Variants in GPATCH2L observed in about 807,000 individuals in gnomAD.
GPATCH2L encodes the protein G patch domain-containing protein 2-like.
Under a neutral mutation model 57.4 loss-of-function variants are expected in GPATCH2L, and 31 were observed. The ratio of observed to expected loss-of-function variants is 0.54; its 90% CI spans 0.41 to 0.73. The LOEUF (loss-of-function observed/expected upper bound fraction) is 0.73, where lower values mean the gene tolerates loss of function less well. Ranked by LOEUF, GPATCH2L falls within the 30% of genes least tolerant of loss-of-function variation. GPATCH2L has a pLI of 0.00. For missense variants in GPATCH2L, 481 were observed against 599.9 expected (o/e 0.80, Z 2.07); for synonymous variants, 199 against 210.7 (o/e 0.94, Z 0.48).
At chr14:76,163,215 A>G (rs1288488335) in intron 2 of GPATCH2L, among the ~76,000 whole-genome samples, 3 of 152,066 alleles carry the variant, frequency 2.0e-5, no homozygotes, top group Non-Finnish European at 4.4e-5. Flanking sequence ...GCCCCTTTCC[A>G]TTTGTAACAT....
At position 76,210,476 on chromosome 14, in the gene GPATCH2L, G is replaced by A. The variant is rs1343893550; in HGVS notation, c.*8625G>A. On this transcript the variant is annotated 3_prime_UTR_variant, in exon 10 of 10. Transcript: ENST00000261530. ...TCTGATGAGACCTCTTTATTGACTT[G>A]TTTGTCCTGGTGGGCTGTTTCTCTA... 2 of 152,308 alleles carry A rather than the reference G, an allele frequency of 1.3e-5. No individual in the cohort carries two copies. Among genetic ancestry groups the A allele is most frequent in the Non-Finnish European group, 1.5e-5 (1 of 68,046 alleles). 9.4% of individuals were successfully genotyped at this position (152,308 alleles called of 1,614,324 possible). A position where few individuals can be genotyped will look rare whatever the true frequency, so the allele number is the denominator to read the frequency against.
chr14:76,161,927 T>C (rs1275383391), intron 2 of GPATCH2L, among the ~76,000 whole-genome samples: 3 of 152,074 alleles, frequency 2.0e-5, no homozygotes, highest in Admixed American at 1.3e-4. Flanking sequence ...TCCTAGCTAC[T>C]TGGGAGGCTG....
intron 2 of GPATCH2L, among the ~76,000 whole-genome samples, chr14:76,155,815 A>T (rs2038280210): frequency 1.3e-5 from 2 of 152,136 alleles, no homozygotes; most frequent in South Asian, 2.1e-4. Flanking sequence ...GGTGTTTTGG[A>T]TGGGACAATT....
chr14:76,234,600 G>C (rs888902111), intron 2 of GPATCH2L: 6 of 152,270 alleles, frequency 3.9e-5, no homozygotes, highest in African/African-American at 1.2e-4. Flanking sequence ...TCTAAGAGCT[G>C]AGGGTAGACT....
chr14:76,201,770 C>T lies in GPATCH2L; in HGVS notation c.1368C>T (p.Thr456=). 6.2e-7 allele frequency: 1 copy of T among 1,613,922 alleles called. No individual in the cohort carries two copies. The part of the protein sequence containing the change: ...KSPSSEWLVR[T]SAAEKATDAT... ...CCAGCTCTGAGTGGTTGGTGAGGAC[C>T]TCTGCAGCAGAGAAAGCCACAGACG... Residue 456 remains threonine, a synonymous_variant, in exon 10 of 10, where the codon ACC becomes ACT. Coordinates refer to ENST00000261530, the MANE Select transcript of GPATCH2L (RefSeq NM_017926.4).
intron 1 of GPATCH2L, among the ~76,000 whole-genome samples, chr14:76,221,559 A>G (rs2139863834): frequency 6.6e-6 from 1 of 152,336 alleles, no homozygotes; most frequent in Middle Eastern, 3.4e-3. Flanking sequence ...TGTTTATAGC[A>G]GATTTATTTG....
rs1203519928 is a variant in GPATCH2L at position 76,212,994 on chromosome 14, C to T, written c.*11143C>T. 6.6e-6 allele frequency: 1 copy of T among 151,780 alleles called. No individual in the cohort carries two copies. Among genetic ancestry groups the T allele is most frequent in the East Asian group, 1.9e-4 (1 of 5,186 alleles). The allele number at this position is 151,780 out of a possible 1,614,324, so 9.4% of individuals were successfully genotyped here. A position where few individuals can be genotyped will look rare whatever the true frequency, so the allele number is the denominator to read the frequency against. On this transcript the variant is annotated 3_prime_UTR_variant, in exon 10 of 10. Transcript: ENST00000261530. The stretch of plus-strand genomic sequence containing the variant: ...TTGTTCCTCTGAGATACAAATAAAA[C>T]AGTGCTCAGAGGAAAATTCATTGCC...
At chr14:76,152,625 AC>A in intron 1 of GPATCH2L, 1 of 455,670 alleles carries the variant, frequency 2.2e-6, no homozygotes, top group South Asian at 1.5e-5. Flanking sequence ...TGCATCCGCG[AC>A]TGGAGATGGG....
chr14:76,166,134 A>G (rs2038826769), intron 2 of GPATCH2L, among the ~76,000 whole-genome samples: 1 of 152,210 alleles, frequency 6.6e-6, no homozygotes, highest in Non-Finnish European at 1.5e-5. Flanking sequence ...TTTTTTCAGA[A>G]TGAGTTTTGT....
intron 2 of GPATCH2L, among the ~76,000 whole-genome samples, chr14:76,233,778 C>A (rs1248444801): frequency 1.3e-5 from 2 of 152,164 alleles, no homozygotes; most frequent in Non-Finnish European, 2.9e-5. Flanking sequence ...CCAATTGTTT[C>A]ATAAATAATA....
At chr14:76,228,376 A>G (rs1220255964) in intron 1 of GPATCH2L, among the ~76,000 whole-genome samples, 1 of 152,174 alleles carries the variant, frequency 6.6e-6, no homozygotes, top group Non-Finnish European at 1.5e-5. Flanking sequence ...TGTGTACACA[A>G]AGAAAGAGGT....
intron 1 of GPATCH2L, among the ~76,000 whole-genome samples, chr14:76,226,713 G>A (rs2040537992): frequency 6.6e-6 from 1 of 152,216 alleles, no homozygotes; most frequent in Admixed American, 6.5e-5. Context: ...TGAGGATGCA[G>A]CAAGAAGGTT....
At position 76,203,615 on chromosome 14, in the gene GPATCH2L, C is replaced by G. The variant is rs1364281182; in HGVS notation, c.*1764C>G. 1 of 152,462 alleles carries G rather than the reference C, an allele frequency of 6.6e-6. No homozygotes were observed. Among genetic ancestry groups the G allele is most frequent in the African/African-American group, 2.4e-5 (1 of 41,430 alleles). The allele number at this position is 152,462 out of a possible 1,614,324, so 9.4% of individuals were successfully genotyped here. On this transcript the variant is annotated 3_prime_UTR_variant, in exon 10 of 10. Coordinates refer to ENST00000261530, the MANE Select transcript of GPATCH2L (RefSeq NM_017926.4). ...GCTGGCCCAGCATGCCTCTGAGTCA[C>G]CCCTGGCTCTCATGCAGCAGTGTGT...
At chr14:76,219,228 TAGAA>T (rs202062784), downstream of GPATCH2L, among the ~76,000 whole-genome samples, 1,556 of 152,006 alleles carry the variant, frequency 0.01, 23 homozygotes, top group African/African-American at 0.036. Context: ...TTATCTAAAA[TAGAA>T]AGAGTCCCTA....
At chr14:76,201,403 C>G (rs1210944223) in intron 9 of GPATCH2L, among the ~76,000 whole-genome samples, 1 of 152,162 alleles carries the variant, frequency 6.6e-6, no homozygotes, top group African/African-American at 2.4e-5. Flanking sequence ...AAGCAATACA[C>G]ACATAAGTAC....
At position 76,213,057 on chromosome 14, in the gene GPATCH2L, A is replaced by G. The variant is rs1027451600; in HGVS notation, c.*11206A>G. The G allele has an allele frequency of 6.6e-6, 1 of 152,200 alleles. No homozygotes were observed. Among genetic ancestry groups the G allele is most frequent in the African/African-American group, 2.4e-5 (1 of 41,466 alleles). The allele number at this position is 152,200 out of a possible 1,614,324, so 9.4% of individuals were successfully genotyped here. On this transcript the variant is annotated 3_prime_UTR_variant, in exon 10 of 10. Coordinates refer to ENST00000261530, the MANE Select transcript of GPATCH2L (RefSeq NM_017926.4). ...TATTAAAAAATAAGATAAATGTCAT[A>G]TAACTCAAAATATTAGGAAAAGGAA...
chr14:76,198,746 T>C (rs1272516431), intron 9 of GPATCH2L, among the ~76,000 whole-genome samples: 1 of 152,094 alleles, frequency 6.6e-6, no homozygotes, highest in Non-Finnish European at 1.5e-5. Context: ...AGAGAGAGAT[T>C]TGAATTGTCA....
At chr14:76,169,715 C>G (rs138932424) in intron 3 of GPATCH2L, among the ~76,000 whole-genome samples, 325 of 152,290 alleles carry the variant, frequency 2.1e-3, no homozygotes, top group African/African-American at 7.4e-3. Context: ...CATTTGTCGT[C>G]AGAAAACATG....
intron 1 of GPATCH2L, among the ~76,000 whole-genome samples, chr14:76,222,154 A>C (rs573669315): frequency 3.7e-4 from 56 of 152,330 alleles, no homozygotes; most frequent in African/African-American, 1.3e-3. Context: ...AATAGAAAAA[A>C]GGCACAGATT....
Sources: allele counts gnomAD v4.1 joint callset (sites outside exome capture counted in the v4.1 genomes callset), GRCh38; gene constraint gnomAD v4.1.1; transcripts MANE v1.5; gene names NCBI Gene and HGNC (gene_info 2026-07-23, HGNC 2026-07-21).